The following PFKFB2 variants were observed in gnomAD, a reference collection of about 807,000 sequenced individuals.
The protein encoded by PFKFB2 is 6-phosphofructo-2-kinase/fructose-2,6-biphosphatase 2.
Under a neutral mutation model 68.0 loss-of-function variants are expected in PFKFB2, and 53 were observed. That is an observed-to-expected ratio of 0.78 (90% CI 0.63 to 0.98). The LOEUF is 0.98. PFKFB2 is among the 50% of genes least tolerant of loss of function. The probability of loss-of-function intolerance (pLI) is 0.00; values close to 1 mark genes in which losing one functional copy is unlikely to be tolerated. For missense variants in PFKFB2, 451 were observed against 642.0 expected (o/e 0.70, Z 3.22); for synonymous variants, 222 against 227.6 (o/e 0.98, Z 0.22).
chr1:207,080,819 T>C (rs1278837347), downstream of PFKFB2: 1 of 152,216 alleles, frequency 6.6e-6, no homozygotes, highest in Non-Finnish European at 1.5e-5. Flanking sequence ...ATCTGTCTTC[T>C]GTAAAAGGAA....
At chr1:207,069,249 C>T (rs1683396863) in intron 10 of PFKFB2, among the ~76,000 whole-genome samples, 175 bp from the exon 11 acceptor site, 1 of 152,110 alleles carries the variant, frequency 6.6e-6, no homozygotes, top group Non-Finnish European at 1.5e-5. Context: ...CCCGGTGAGT[C>T]ACAGACACTC....
rs576015932 is a variant in PFKFB2, at chr1:207,070,106, C to G, written c.1093-174C>G. ...ATTGCTTTTGAAAGATCTGAGTTTT[C>G]TCAAGAGATACCAGGGCTGGGGGCA... On this transcript the variant is annotated intron_variant, in intron 11 of 14. Coordinates refer to ENST00000367080, the MANE Select transcript of PFKFB2 (RefSeq NM_006212.2). This position sits in a 1 kb window ranked among gnomAD's most constrained non-coding sequence, Gnocchi z 4.2. Among the ~76,000 whole-genome samples, 1 of 152,316 alleles carries G rather than the reference C, an allele frequency of 6.6e-6. No homozygotes were observed. The highest frequency in any genetic ancestry group is 2.1e-4 in the South Asian group (1 of 4,828).
intron 1 of PFKFB2, among the ~76,000 whole-genome samples, chr1:207,040,262 C>T (rs1024791883): frequency 1.7e-4 from 26 of 152,328 alleles, no homozygotes; most frequent in Non-Finnish European, 2.6e-4. Context: ...AATAGCTTTT[C>T]GGCTTATTGC....
At position 207,074,669 on chromosome 1, in the gene PFKFB2, T is replaced by C; in HGVS notation, c.*2298T>C. On this transcript the variant is annotated 3_prime_UTR_variant, in exon 15 of 15. Coordinates refer to ENST00000367080, the MANE Select transcript of PFKFB2 (RefSeq NM_006212.2). ...GTGGTTACATAACATGTACTTAGTGTCTTTGTGGAGCTTTGGGCTGGTAGG... is the reference window on the plus strand; with the variant it reads ...GTGGTTACATAACATGTACTTAGTGCCTTTGTGGAGCTTTGGGCTGGTAGG... 1.0e-6 allele frequency: 1 copy of C among 985,434 alleles called. No homozygotes were observed. Among genetic ancestry groups the C allele is most frequent in the Non-Finnish European group, 1.2e-6 (1 of 829,924 alleles). 61.0% of individuals were successfully genotyped at this position (985,434 alleles called of 1,614,324 possible).
upstream of PFKFB2, chr1:207,052,327 G>C: frequency 8.9e-7 from 1 of 1,118,224 alleles, no homozygotes; most frequent in Non-Finnish European, 1.3e-6. Context: ...ATACAGCCTG[G>C]GTTAGGGGGT....
rs1308488019 is a variant in PFKFB2, at chr1:207,072,362, G to C, written c.1509G>C (p.Gly503=). The change falls in exon 15 of 15, where the codon GGG becomes GGC. Residue 503 remains glycine (G), a synonymous_variant. Coordinates refer to ENST00000367080, the MANE Select transcript of PFKFB2 (RefSeq NM_006212.2). ...TCCGTGCCCAGGACATGCAAGAAGG[G>C]GCCGACTAGCCGAAGACCCAAGTCA... ...SPLRAQDMQE[G]AD 6.2e-7 allele frequency: 1 copy of C among 1,612,856 alleles called. No individual in the cohort carries two copies. The highest frequency in any genetic ancestry group is 1.7e-4 in the Middle Eastern group (1 of 6,046).
At chr1:207,069,401 C>T in intron 10 of PFKFB2, 23 bp from the exon 11 acceptor site, 1 of 1,546,942 alleles carries the variant, frequency 6.5e-7, no homozygotes, top group Non-Finnish European at 8.9e-7. Context: ...CTCTTCAAGC[C>T]AGCTTCAAGT....
chr1:207,062,430 T>C, intron 3 of PFKFB2, 190 bp from the exon 4 acceptor site: 1 of 831,176 alleles, frequency 1.2e-6, no homozygotes, highest in Non-Finnish European at 1.9e-6. Context: ...AGCTTAAGAC[T>C]TGTCCAAGGT....
At position 207,075,404 on chromosome 1, in the gene PFKFB2, G is replaced by T; in HGVS notation, c.*3033G>T. On this transcript the variant is annotated 3_prime_UTR_variant, in exon 15 of 15. Transcript: ENST00000367080. ...GAAGTCTAGCAGGAAGAAGCCAGGA[G>T]AATGTAGAATGGAAAAGAGCTCTTA... 1.0e-6 allele frequency: 1 copy of T among 985,432 alleles called. No individual in the cohort carries two copies. The highest frequency in any genetic ancestry group is 4.7e-5 in the South Asian group (1 of 21,280). 61.0% of individuals were successfully genotyped at this position (985,432 alleles called of 1,614,324 possible). A position where few individuals can be genotyped will look rare whatever the true frequency, so the allele number is the denominator to read the frequency against.
chr1:207,047,871 T>C (rs985632527), intron 2 of PFKFB2: 1 of 152,202 alleles, frequency 6.6e-6, no homozygotes, highest in South Asian at 2.1e-4. Flanking sequence ...AGATTGCAGA[T>C]AAGCAAAGTG....
At position 207,063,915 on chromosome 1, in the gene PFKFB2, GT is replaced by G; in HGVS notation, c.507+88del. ...TGTGTGTGTGTGTGTGTGTGTGTGT[GT>G]TGTTGGGGAGGGGTGTTTTCGTAAT... On this transcript the variant is annotated intron_variant, in intron 7 of 14. Coordinates refer to ENST00000367080, the MANE Select transcript of PFKFB2 (RefSeq NM_006212.2). The surrounding 1 kb of genome is among the most constrained non-coding windows in gnomAD (Gnocchi z 4.1). 10 of 978,304 alleles carry G rather than the reference GT, an allele frequency of 1.0e-5. No individual in the cohort carries two copies. The highest frequency in any genetic ancestry group is 1.7e-5 in the Admixed American group (1 of 57,170). The allele number at this position is 978,304 out of a possible 1,614,324, so 60.6% of individuals were successfully genotyped here. A position where few individuals can be genotyped will look rare whatever the true frequency, so the allele number is the denominator to read the frequency against.
intron 2 of PFKFB2, among the ~76,000 whole-genome samples, chr1:207,043,271 G>T (rs1205248253): frequency 1.3e-5 from 2 of 152,138 alleles, no homozygotes; most frequent in Non-Finnish European, 2.9e-5. Context: ...TTATTCTTAT[G>T]TTGGATGTAC....
At chr1:207,050,383 T>A (rs1195413889), upstream of PFKFB2, among the ~76,000 whole-genome samples, 1 of 152,140 alleles carries the variant, frequency 6.6e-6, no homozygotes, top group Non-Finnish European at 1.5e-5. Flanking sequence ...TAGGCCCTAC[T>A]TTATATTTTT....
intron 2 of PFKFB2, chr1:207,061,077 T>TTATATATATCTA (rs1431559689): frequency 2.3e-5 from 2 of 85,796 alleles, no homozygotes; most frequent in East Asian, 2.4e-4. Context: ...ATATATATCT[T>TTATATATATCTA]TATATATCTT....
At chr1:207,039,696 G>A (rs1435202851) in intron 1 of PFKFB2, among the ~76,000 whole-genome samples, 1 of 152,138 alleles carries the variant, frequency 6.6e-6, no homozygotes, top group Non-Finnish European at 1.5e-5. Context: ...CTTAGGAAAG[G>A]TGCTGCTGAG....
chr1:207,063,834 G>C lies in PFKFB2; in HGVS notation c.507+5G>C. 1 of 1,608,962 alleles carries C rather than the reference G, an allele frequency of 6.2e-7. No homozygotes were observed. ...GTCATTGCTGCCAATATTCTGGTTG[G>C]TGACACCCCTACATATCATCTCCTC... On this transcript the variant is annotated splice_donor_5th_base_variant and intron_variant, in intron 7 of 14. Coordinates refer to ENST00000367080, the MANE Select transcript of PFKFB2 (RefSeq NM_006212.2). This position sits in a 1 kb window ranked among gnomAD's most constrained non-coding sequence, Gnocchi z 4.1.
intron 1 of PFKFB2, among the ~76,000 whole-genome samples, chr1:207,053,890 CTTTTTCA>C (rs1465582715): frequency 8.2e-5 from 12 of 146,296 alleles, no homozygotes; most frequent in Admixed American, 6.2e-4. Flanking sequence ...TTCTTTCTTT[CTTTTTCA>C]TTTTTCATTT....
chr1:207,045,181 A>T (rs1014135808), intron 2 of PFKFB2: 2 of 152,440 alleles, frequency 1.3e-5, no homozygotes, highest in African/African-American at 4.8e-5. Flanking sequence ...GTCTGCTTGG[A>T]AACAAGTTTT....
At chr1:207,035,102 G>A in intron 1 of PFKFB2, 2 of 927,452 alleles carry the variant, frequency 2.2e-6, no homozygotes, top group Non-Finnish European at 2.6e-6. Context: ...ATTGCTCTTA[G>A]TATGTAAATG....
Sources: allele counts gnomAD v4.1 joint callset (sites outside exome capture counted in the v4.1 genomes callset), GRCh38; gene constraint gnomAD v4.1.1; non-coding constraint Gnocchi (gnomAD v3.1); transcripts MANE v1.5; gene names NCBI Gene and HGNC (gene_info 2026-07-23, HGNC 2026-07-21).